The following HCN1 variants were observed in gnomAD, a reference collection of about 807,000 sequenced individuals.
HCN1 encodes the protein hyperpolarization activated cyclic nucleotide gated potassium channel 1.
A neutral mutation model predicts 78.9 loss-of-function variants in HCN1; 13 were observed. The ratio of observed to expected loss-of-function variants is 0.16; its 90% confidence interval spans 0.11 to 0.26. The LOEUF (loss-of-function observed/expected upper bound fraction) is 0.26. HCN1 is among the 10% of genes least tolerant of loss of function. HCN1 has a pLI of 1.00. For missense variants in HCN1, 810 were observed against 1,154.3 expected (o/e 0.70, Z 4.32); for synonymous variants, 552 against 455.5 (o/e 1.21, Z -2.70).
intron 1 of HCN1, among the ~76,000 whole-genome samples, chr5:45,656,474 CA>C (rs1745766106): frequency 6.6e-6 from 1 of 152,168 alleles, no homozygotes; most frequent in Non-Finnish European, 1.5e-5. Context: ...ATTCATTGAG[CA>C]GCAAACATAG....
chr5:45,405,582 A>C (rs942476049), intron 3 of HCN1, among the ~76,000 whole-genome samples: 3 of 151,966 alleles, frequency 2.0e-5, no homozygotes, highest in African/African-American at 7.2e-5. Flanking sequence ...TTATGTTTAA[A>C]ATTTTTATAG....
At chr5:45,475,941 A>G (rs574587219) in intron 2 of HCN1, among the ~76,000 whole-genome samples, 89 of 152,266 alleles carry the variant, frequency 5.8e-4, no homozygotes, top group African/African-American at 2.0e-3. Flanking sequence ...TATATCCAAG[A>G]GGCCAATTTC....
At chr5:45,692,137 A>T (rs1013913931) in intron 1 of HCN1, among the ~76,000 whole-genome samples, 1 of 152,214 alleles carries the variant, frequency 6.6e-6, no homozygotes, top group African/African-American at 2.4e-5. Context: ...GTCTGGTGAT[A>T]AATTCTTCCA....
chr5:45,646,601 G>T (rs1253346438), intron 1 of HCN1, among the ~76,000 whole-genome samples: 1 of 151,808 alleles, frequency 6.6e-6, no homozygotes, highest in African/African-American at 2.4e-5. Context: ...AGTACCTTTT[G>T]AAATATTCTT....
Position 45,262,274 on chromosome 5 carries a change from G to A in HCN1, c.2320C>T (p.Leu774Phe). 1 of 1,614,028 alleles carries A rather than the reference G, an allele frequency of 6.2e-7. No individual in the cohort carries two copies. The highest frequency in any genetic ancestry group is 8.5e-7 in the Non-Finnish European group (1 of 1,180,030). The stretch of plus-strand genomic sequence containing the variant: ...TCCCGGGTCAGGTTGGTGTTGTGAA[G>A]CGCCTGCGTGCTCTTGTGCACTTCA... ...KNEVHKSTQA[L>F]HNTNLTREVR... Residue 774 changes from leucine (L) to phenylalanine (F), a missense_variant, in exon 8 of 8, where the codon CTT becomes TTT. By Grantham distance (22) the Leu-to-Phe change is conservative (BLOSUM62 0). Coordinates refer to ENST00000303230, the MANE Select transcript of HCN1 (RefSeq NM_021072.4).
At chr5:45,626,888 ATATACT>A (rs1745172423) in intron 2 of HCN1, among the ~76,000 whole-genome samples, 2 of 152,028 alleles carry the variant, frequency 1.3e-5, no homozygotes, top group Non-Finnish European at 2.9e-5. Flanking sequence ...TAATAGTTTC[ATATACT>A]TATATATGTA....
chr5:45,667,285 G>A (rs1457296637), intron 1 of HCN1, among the ~76,000 whole-genome samples: 3 of 151,930 alleles, frequency 2.0e-5, no homozygotes, highest in Non-Finnish European at 4.4e-5. Flanking sequence ...TCTCTCCAGA[G>A]ACCCATGCTG....
chr5:45,373,440 T>A, intron 4 of HCN1, among the ~76,000 whole-genome samples: 1 of 136,928 alleles, frequency 7.3e-6, no homozygotes. Context: ...CAGATATACA[T>A]CATCTATAAT....
chr5:45,627,981 T>C lies in HCN1; in HGVS notation c.849+17204A>G, dbSNP rs1745199821. Among the ~76,000 whole-genome samples, 3 of 152,184 alleles carry C rather than the reference T, an allele frequency of 2.0e-5. No individual in the cohort carries two copies. In the South Asian group the frequency reaches 6.2e-4, roughly 31 times the overall value. ...AATTTTAGATAACTTTATTTAAATA[T>C]ATCAAATTTTATTCGTGAATTCTAC... On this transcript the variant is annotated intron_variant, in intron 2 of 7. Coordinates refer to ENST00000303230, the MANE Select transcript of HCN1 (RefSeq NM_021072.4).
At chr5:45,272,690 T>C (rs965730292) in intron 6 of HCN1, among the ~76,000 whole-genome samples, 5 of 152,082 alleles carry the variant, frequency 3.3e-5, no homozygotes, top group African/African-American at 9.7e-5. Context: ...TTGAGGAACA[T>C]AACATATCTC....
chr5:45,342,238 CTTTT>C (rs553095512), intron 5 of HCN1, among the ~76,000 whole-genome samples: 1 of 141,406 alleles, frequency 7.1e-6, no homozygotes. Flanking sequence ...TATTTCTTTC[CTTTT>C]TTTTTTTTTG....
chr5:45,263,760 T>A (rs961820494), intron 7 of HCN1, among the ~76,000 whole-genome samples: 1 of 151,914 alleles, frequency 6.6e-6, no homozygotes, highest in Non-Finnish European at 1.5e-5. Flanking sequence ...CAGGAAATTC[T>A]TTTTTTAAAA....
intron 5 of HCN1, among the ~76,000 whole-genome samples, chr5:45,309,911 G>A (rs1414075322): frequency 6.6e-6 from 1 of 151,878 alleles, no homozygotes; most frequent in Non-Finnish European, 1.5e-5. Context: ...CCTCCTTTTC[G>A]ACTTTTTGGA....
chr5:45,524,156 A>G (rs1341933075), intron 2 of HCN1, among the ~76,000 whole-genome samples: 3 of 152,148 alleles, frequency 2.0e-5, no homozygotes, highest in Non-Finnish European at 4.4e-5. Flanking sequence ...GGTTTGTCAA[A>G]GATCAGATAG....
intron 3 of HCN1, among the ~76,000 whole-genome samples, chr5:45,429,203 T>A (rs1024096910): frequency 1.3e-5 from 2 of 152,196 alleles, no homozygotes; most frequent in African/African-American, 4.8e-5. Flanking sequence ...TTTGTCTCAA[T>A]AGCCACCTCT....
intron 3 of HCN1, among the ~76,000 whole-genome samples, chr5:45,435,751 C>T (rs1740550563): frequency 6.6e-6 from 1 of 152,090 alleles, no homozygotes; most frequent in South Asian, 2.1e-4. Context: ...ACATTTTCTT[C>T]TAACGTTCTT....
At chr5:45,624,315 A>G (rs543225605) in intron 2 of HCN1, among the ~76,000 whole-genome samples, 3 of 152,342 alleles carry the variant, frequency 2.0e-5, no homozygotes, top group African/African-American at 7.2e-5. Flanking sequence ...TGGTGGCTCC[A>G]TACAATAGTA....
At position 45,641,507 on chromosome 5, in the gene HCN1, A is replaced by C. The variant is rs192608781; in HGVS notation, c.849+3678T>G. On this transcript the variant is annotated intron_variant, in intron 2 of 7. Transcript: ENST00000303230. ...TCCCAAAATGTATTTAATTAATTGTAATATGTCCCAGTTCTATACAAAGGA... is the reference window on the plus strand; with the variant it reads ...TCCCAAAATGTATTTAATTAATTGTCATATGTCCCAGTTCTATACAAAGGA... 3.2e-4 allele frequency among the ~76,000 whole-genome samples: 48 copies of C among 152,318 alleles called. 1 individual carries two copies. In the East Asian group the frequency reaches 7.1e-3, roughly 23 times the overall value.
chr5:45,609,439 T>C (rs2111976124), intron 2 of HCN1, among the ~76,000 whole-genome samples: 1 of 152,252 alleles, frequency 6.6e-6, no homozygotes, highest in Non-Finnish European at 1.5e-5. Flanking sequence ...TGCTGGATTA[T>C]GGGGAATATT....
Sources: allele counts gnomAD v4.1 joint callset (sites outside exome capture counted in the v4.1 genomes callset), GRCh38; gene constraint gnomAD v4.1.1; transcripts MANE v1.5; gene names NCBI Gene and HGNC (gene_info 2026-07-23, HGNC 2026-07-21).